The following CCM2 variants were observed in gnomAD, a reference collection of about 807,000 sequenced individuals.
CCM2 encodes the protein cerebral cavernous malformations 2 protein.
CCM2 carries 25 observed loss-of-function variants against 44.9 expected under a neutral mutation model. The ratio of observed to expected loss-of-function variants is 0.56; its 90% CI spans 0.41 to 0.78. The LOEUF (loss-of-function observed/expected upper bound fraction) is 0.78. Ranked by LOEUF, CCM2 falls within the 30% of genes least tolerant of loss-of-function variation. The pLI, the probability that CCM2 is intolerant of heterozygous loss-of-function variation, is 0.00. For synonymous variants in CCM2, 219 were observed against 241.1 expected (o/e 0.91, Z 0.85); for missense variants, 481 against 580.6 (o/e 0.83, Z 1.76).
At chr7:45,012,640 T>C (rs1796112678) in intron 1 of CCM2, among the ~76,000 whole-genome samples, 1 of 151,958 alleles carries the variant, frequency 6.6e-6, no homozygotes, top group African/African-American at 2.4e-5. Context: ...ACTGCAGCCT[T>C]GAACTCCTGG....
intron 6 of CCM2, chr7:45,071,676 G>A: frequency 2.3e-6 from 1 of 435,308 alleles, no homozygotes; most frequent in South Asian, 1.7e-5. Context: ...CAGAGAAGAA[G>A]CCATTTCCTT....
chr7:45,068,667 T>C (rs1044264866), intron 5 of CCM2, 88 bp downstream of exon 5: 45 of 1,512,278 alleles, frequency 3.0e-5, no homozygotes, highest in Non-Finnish European at 3.8e-5. Flanking sequence ...CCCAGCACAG[T>C]GCTGGGCACT....
chr7:45,009,318 A>AGG (rs570628010), intron 1 of CCM2, among the ~76,000 whole-genome samples: 4 of 108,576 alleles, frequency 3.7e-5, no homozygotes, highest in Admixed American at 1.1e-4. Context: ...AAAAAAAAAA[A>AGG]AAAATTTTTG....
chr7:45,041,246 G>A (rs1583909523), intron 2 of CCM2, among the ~76,000 whole-genome samples: 3 of 152,214 alleles, frequency 2.0e-5, no homozygotes, highest in Non-Finnish European at 4.4e-5. Flanking sequence ...TAGAGGTGTG[G>A]AGGAATTGAT....
chr7:45,009,242 TG>T (rs1795968734), intron 1 of CCM2, among the ~76,000 whole-genome samples: 1 of 140,624 alleles, frequency 7.1e-6, no homozygotes, highest in Admixed American at 7.3e-5. Context: ...CAGAGGTTGC[TG>T]TGAGCCAAGA....
At chr7:45,069,994 G>A (rs1583984206) in intron 6 of CCM2, 33 bp downstream of exon 6, 3 of 1,611,302 alleles carry the variant, frequency 1.9e-6, no homozygotes, top group East Asian at 2.2e-5. Context: ...GCGGGTGGGA[G>A]CAGGGACAGG....
chr7:45,036,714 G>A (rs984259810), intron 1 of CCM2, among the ~76,000 whole-genome samples: 8 of 152,208 alleles, frequency 5.3e-5, no homozygotes, highest in South Asian at 2.1e-4. Context: ...CTGCTACACC[G>A]TTTTATATTG....
intron 1 of CCM2, among the ~76,000 whole-genome samples, chr7:45,000,919 T>C (rs1645335446): frequency 6.6e-6 from 1 of 152,244 alleles, no homozygotes; most frequent in Non-Finnish European, 1.5e-5. Flanking sequence ...TTACAAAATG[T>C]GGCTTTAATT....
chr7:45,022,596 G>A (rs150221435), intron 1 of CCM2, among the ~76,000 whole-genome samples: 2 of 148,806 alleles, frequency 1.3e-5, no homozygotes, highest in East Asian at 2.1e-4. Context: ...ATGAGCCACC[G>A]TGCCTGGCCT....
chr7:45,000,738 G>A (rs1253947283), intron 1 of CCM2, among the ~76,000 whole-genome samples: 1 of 152,240 alleles, frequency 6.6e-6, no homozygotes, highest in Non-Finnish European at 1.5e-5. Context: ...CTGCTCACTG[G>A]ACTTCGTTTT....
chr7:45,073,597 G>A lies in CCM2; in HGVS notation c.915+26G>A, dbSNP rs999999396. On this transcript the variant is annotated intron_variant, in intron 8 of 9. Transcript: ENST00000258781. ...GTAGGCCTCCGCTGCAGGGACGCTGGGCTGCATGAGGGAGGGGGTGCCCCA... is the reference window on the plus strand; with the variant it reads ...GTAGGCCTCCGCTGCAGGGACGCTGAGCTGCATGAGGGAGGGGGTGCCCCA... The A allele has an allele frequency of 1.4e-5, 22 of 1,531,510 alleles. No individual in the cohort carries two copies. In the East Asian group the frequency reaches 5.0e-4, roughly 35 times the overall value. 94.9% of individuals were successfully genotyped at this position (1,531,510 alleles called of 1,614,324 possible). A position where few individuals can be genotyped will look rare whatever the true frequency, so the allele number is the denominator to read the frequency against.
chr7:45,030,612 G>A (rs1003637840), intron 1 of CCM2, among the ~76,000 whole-genome samples: 1 of 152,038 alleles, frequency 6.6e-6, no homozygotes, highest in African/African-American at 2.4e-5. Context: ...GACAGGTCTC[G>A]CTATGTTGTC....
intron 6 of CCM2, chr7:45,072,366 T>G: frequency 7.5e-6 from 3 of 399,564 alleles, no homozygotes; most frequent in South Asian, 2.2e-5. Context: ...AAGACAGGGG[T>G]GATATATGCC....
chr7:45,037,845 A>T (rs1797300822), intron 1 of CCM2, among the ~76,000 whole-genome samples: 1 of 152,142 alleles, frequency 6.6e-6, no homozygotes, highest in South Asian at 2.1e-4. Context: ...CACTGGCCAC[A>T]CCTTCCACCT....
intron 2 of CCM2, among the ~76,000 whole-genome samples, chr7:45,060,465 T>C (rs1050366333): frequency 1.3e-5 from 2 of 152,262 alleles, no homozygotes; most frequent in African/African-American, 2.4e-5. Flanking sequence ...TCTGACCTTA[T>C]TGGATCTGTG....
chr7:45,009,422 T>TG (rs1795982005), intron 1 of CCM2, among the ~76,000 whole-genome samples: 1 of 86,550 alleles, frequency 1.2e-5, no homozygotes, highest in Non-Finnish European at 2.4e-5. Context: ...TTTTTTTTTT[T>TG]GAGACGGAGT....
chr7:45,011,853 C>T (rs74523768), intron 1 of CCM2, among the ~76,000 whole-genome samples: 1,590 of 152,226 alleles, frequency 0.01, 25 homozygotes, highest in African/African-American at 0.037. Flanking sequence ...CGTGCCCTGC[C>T]CTGGCTAACT....
intron 1 of CCM2, among the ~76,000 whole-genome samples, chr7:45,036,805 G>T (rs1162776530): frequency 6.6e-6 from 1 of 152,090 alleles, no homozygotes; most frequent in Admixed American, 6.6e-5. Context: ...GTGGTTTATT[G>T]TATATATGTT....
At chr7:45,027,809 T>C (rs960023676) in intron 1 of CCM2, 1 of 1,613,856 alleles carries the variant, frequency 6.2e-7, no homozygotes, top group African/African-American at 1.3e-5. Context: ...TAGGTGCAAG[T>C]CCAGTGTGGA....
Sources: gnomAD v4.1 joint callset for allele counts (sites outside exome capture counted in the v4.1 genomes callset) on GRCh38, gnomAD v4.1.1 for gene constraint, MANE v1.5 for transcripts, NCBI Gene and HGNC (gene_info 2026-07-23, HGNC 2026-07-21) for gene names.